The following SEZ6 variants were observed in gnomAD, a reference collection of about 807,000 sequenced individuals.
SEZ6 encodes seizure related 6 homolog.
Under a neutral mutation model 101.0 loss-of-function variants are expected in SEZ6, and 53 were observed. The ratio of observed to expected loss-of-function variants is 0.52; its 90% CI spans 0.42 to 0.66. SEZ6 has a LOEUF of 0.66. SEZ6 is among the 30% of genes least tolerant of loss of function. The pLI is 0.00. For missense variants in SEZ6, 1,102 were observed against 1,289.4 expected, an observed-to-expected ratio of 0.85 and a Z score of 2.23; for synonymous variants, 488 against 512.2, an observed-to-expected ratio of 0.95 and a Z score of 0.64.
At chr17:28,976,130 C>A (rs996183055) in intron 3 of SEZ6, among the ~76,000 whole-genome samples, 2 of 152,242 alleles carry the variant, frequency 1.3e-5, no homozygotes, top group African/African-American at 4.8e-5. Flanking sequence ...GACCTGGCCT[C>A]CTCCCTGTGG....
Position 28,957,775 on chromosome 17 carries a change from A to T in SEZ6, c.2302+172T>A. ...ATGAAATACTTAGAGTACGTGGCTG[A>T]TAACCCCATGAAAAGTATCATCCCC... On this transcript the variant is annotated intron_variant, in intron 11 of 16. Coordinates refer to ENST00000317338, the MANE Select transcript of SEZ6 (RefSeq NM_178860.5). The T allele has an allele frequency of 5.5e-6, 5 of 903,920 alleles. No individual in the cohort carries two copies. The South Asian group carries it at 8.9e-5, about 16-fold the overall frequency. 56.0% of individuals were successfully genotyped at this position (903,920 alleles called of 1,614,324 possible). A position where few individuals can be genotyped will look rare whatever the true frequency, so the allele number is the denominator to read the frequency against.
rs760278368 is a variant in SEZ6 at position 28,957,217 on chromosome 17, A to C, written c.2520T>G (p.Gly840=). 1 of 1,614,010 alleles carries C rather than the reference A, an allele frequency of 6.2e-7. No individual in the cohort carries two copies. The highest frequency in any genetic ancestry group is 8.5e-7 in the Non-Finnish European group (1 of 1,179,884). The change falls in exon 13 of 17, where the codon GGT becomes GGG. Residue 840 remains glycine (G), a synonymous_variant. Coordinates refer to ENST00000317338, the MANE Select transcript of SEZ6 (RefSeq NM_178860.5). ...CLLEQLKPCH[G]LSAPENGARS... ...GGGCACCATTCTCAGGGGCACTGAGACCATGGCATGGCTTGAGCTGTTCCA... is the reference window on the plus strand; with the variant it reads ...GGGCACCATTCTCAGGGGCACTGAGCCCATGGCATGGCTTGAGCTGTTCCA...
chr17:28,960,284 A>T, intron 7 of SEZ6: 2 of 638,062 alleles, frequency 3.1e-6, no homozygotes, highest in Non-Finnish European at 5.4e-6. Context: ...CTTGGACCAT[A>T]GGGCCTGGGT....
chr17:28,960,424 G>C (rs1374333077), intron 7 of SEZ6, 81 bp downstream of exon 7: 1 of 1,512,424 alleles, frequency 6.6e-7, no homozygotes, highest in South Asian at 1.2e-5. Context: ...GGCAGAGAGG[G>C]GTAGGGTGTG....
In SEZ6 at chr17:28,959,235, G is replaced by A. The variant is rs201689508; in HGVS notation, c.1911-14C>T. 5.6e-4 allele frequency: 900 copies of A among 1,612,294 alleles called. No individual in the cohort carries two copies. The highest frequency in any genetic ancestry group is 7.2e-4 in the Non-Finnish European group (854 of 1,178,866). ...CCTATGCGCAGCCTGTGAAGGAGGAGCGTCAGGGCAGAGCCGGCCTGGGGG... is the reference window on the plus strand; with the variant it reads ...CCTATGCGCAGCCTGTGAAGGAGGAACGTCAGGGCAGAGCCGGCCTGGGGG... On this transcript the variant is annotated splice_polypyrimidine_tract_variant and intron_variant, in intron 9 of 16. Coordinates refer to ENST00000317338, the MANE Select transcript of SEZ6 (RefSeq NM_178860.5). The surrounding 1 kb of genome is among the most constrained non-coding windows in gnomAD (Gnocchi z 4.4).
At position 28,981,896 on chromosome 17, in the gene SEZ6, G is replaced by A; in HGVS notation, c.199C>T (p.Leu67Phe). The A allele has an allele frequency of 3.1e-6, 5 of 1,613,922 alleles. No individual in the cohort carries two copies. The highest frequency in any genetic ancestry group is 4.2e-6 in the Non-Finnish European group (5 of 1,179,876). The change falls in exon 2 of 17, where the codon CTC becomes TTC. Residue 67 changes from leucine to phenylalanine, a missense_variant. Physicochemically the swap from Leu to Phe is conservative, Grantham distance 22 (BLOSUM62 0). Coordinates refer to ENST00000317338, the MANE Select transcript of SEZ6 (RefSeq NM_178860.5). ...TCCTCAAGCAGCGGGTGGTGGTTGAGCAGCTTCAAGGTGGGGGCTGTTGTG... is the reference window on the plus strand; with the variant it reads ...TCCTCAAGCAGCGGGTGGTGGTTGAACAGCTTCAAGGTGGGGGCTGTTGTG... ...FVTTAPTLKL[L>F]NHHPLLEEFL...
rs2040943291 is a variant in SEZ6 at position 28,959,576 on chromosome 17, C to G, written c.1772-104G>C. The G allele has an allele frequency of 6.4e-7, 1 of 1,552,152 alleles. No individual in the cohort carries two copies. ...ACAAATTGCTGGGACCCCCCACCTCCTCCTTGGAGGAAGCCTGAACCACGC... is the reference window on the plus strand; with the variant it reads ...ACAAATTGCTGGGACCCCCCACCTCGTCCTTGGAGGAAGCCTGAACCACGC... On this transcript the variant is annotated intron_variant, in intron 8 of 16. Transcript: ENST00000317338. This position sits in a 1 kb window ranked among gnomAD's most constrained non-coding sequence, Gnocchi z 4.4.
Position 28,981,448 on chromosome 17 carries a change from G to T in SEZ6, c.647C>A (p.Thr216Lys), listed in dbSNP as rs1372961971. The T allele has an allele frequency of 2.6e-6, 4 of 1,562,858 alleles. No homozygotes were observed. The Admixed American group carries it at 7.7e-5, about 30-fold the overall frequency. ...IGIQGTITSS[T>K]ASGDDEETTT... Reference sequence around the variant, plus strand: ...GGTCTCCTCATCATCTCCTGAAGCTGTGGAGGAGGTGATGGTCCCCTGGAT... The same window carrying T: ...GGTCTCCTCATCATCTCCTGAAGCTTTGGAGGAGGTGATGGTCCCCTGGAT... The change falls in exon 2 of 17, where the codon ACA becomes AAA. Residue 216 changes from threonine to lysine, a missense_variant. Around this residue, in one of 3 missense-constraint regions of SEZ6, gnomAD observed 406 missense variants for 418.6 expected, o/e 0.97. Coordinates refer to ENST00000317338, the MANE Select transcript of SEZ6 (RefSeq NM_178860.5).
rs141895433 is a variant in SEZ6, at chr17:28,955,523, C to T, written c.*439G>A. ...GAGGAGTTTTGGCCATTGGTGATGGCGCTGTGAGGAGTACCCTGGTGCAGT... is the reference window on the plus strand; with the variant it reads ...GAGGAGTTTTGGCCATTGGTGATGGTGCTGTGAGGAGTACCCTGGTGCAGT... On this transcript the variant is annotated 3_prime_UTR_variant, in exon 17 of 17. Transcript: ENST00000317338. The T allele has an allele frequency of 1.1e-4, 47 of 413,992 alleles. No individual in the cohort carries two copies. The highest frequency in any genetic ancestry group is 5.8e-4 in the South Asian group (33 of 56,800). The allele number at this position is 413,992 out of a possible 1,614,324, so 25.6% of individuals were successfully genotyped here. A position where few individuals can be genotyped will look rare whatever the true frequency, so the allele number is the denominator to read the frequency against.
In SEZ6 at chr17:28,963,505, A is replaced by C. The variant is rs2041018347; in HGVS notation, c.1240+457T>G. Among the ~76,000 whole-genome samples, 3 of 151,998 alleles carry C rather than the reference A, an allele frequency of 2.0e-5. No individual in the cohort carries two copies. In the South Asian group the frequency reaches 6.2e-4, roughly 32 times the overall value. On this transcript the variant is annotated intron_variant, in intron 5 of 16. Coordinates refer to ENST00000317338, the MANE Select transcript of SEZ6 (RefSeq NM_178860.5). ...AACCTGGCTGTCTTCTGTGTCCCTA[A>C]ACACCCTCACCTGCCTGCCTCTATG...
At chr17:28,987,067 A>G (rs1446125439) in intron 1 of SEZ6, among the ~76,000 whole-genome samples, 4 of 152,152 alleles carry the variant, frequency 2.6e-5, no homozygotes, top group Admixed American at 6.5e-5. Context: ...GCGTGTGGGT[A>G]CAAGGGGGAG....
intron 1 of SEZ6, among the ~76,000 whole-genome samples, chr17:29,001,526 T>C (rs566169627): frequency 3.6e-4 from 55 of 152,270 alleles, no homozygotes; most frequent in Admixed American, 9.2e-4. Flanking sequence ...TTACAGGAAG[T>C]GTCAGCTAAG....
At chr17:28,961,239 T>G (rs1163522525) in intron 5 of SEZ6, among the ~76,000 whole-genome samples, 2 of 152,114 alleles carry the variant, frequency 1.3e-5, no homozygotes, top group Non-Finnish European at 2.9e-5. Context: ...TGTGGGTAGA[T>G]GTATCACTGC....
At chr17:28,998,230 C>G (rs2041568876) in intron 1 of SEZ6, among the ~76,000 whole-genome samples, 1 of 152,020 alleles carries the variant, frequency 6.6e-6, no homozygotes, top group African/African-American at 2.4e-5. Flanking sequence ...TGCACATGAG[C>G]ATGGGGGGCG....
Position 28,981,545 on chromosome 17 carries a change from T to A in SEZ6, c.550A>T (p.Thr184Ser). 6.2e-7 allele frequency: 1 copy of A among 1,612,586 alleles called. No homozygotes were observed. Among genetic ancestry groups the A allele is most frequent in the East Asian group, 2.2e-5 (1 of 44,846 alleles). The change falls in exon 2 of 17, where the codon ACC becomes TCC. Residue 184 changes from threonine (T) to serine (S), a missense_variant. Transcript: ENST00000317338. ...CCCATGTCTCCAGGACCCTCTTGGG[T>A]TGGTGTCCAGGCTCTGCTGGGGGGT... ...TTPPSRAWTP[T>S]QEGPGDMGRP...
At chr17:28,958,292 C>T (rs1363372819) in intron 10 of SEZ6, among the ~76,000 whole-genome samples, 151 bp from the exon 11 acceptor site, 2 of 152,196 alleles carry the variant, frequency 1.3e-5, no homozygotes, top group Non-Finnish European at 2.9e-5. Context: ...TGCTCAAGGG[C>T]CCCTCCTTGA....
At position 29,005,680 on chromosome 17, in the gene SEZ6, G is replaced by A; in HGVS notation, c.55+135C>T. ...GCCCCGCCCGGCTTGGCCGGCGCCG[G>A]GGGCAGCGCAGCCGGCGGGGCGCGG... On this transcript the variant is annotated intron_variant, in intron 1 of 16. Coordinates refer to ENST00000317338, the MANE Select transcript of SEZ6 (RefSeq NM_178860.5). The surrounding 1 kb of genome is among the most constrained non-coding windows in gnomAD (Gnocchi z 4.8). 2.4e-6 allele frequency: 2 copies of A among 844,424 alleles called. No individual in the cohort carries two copies. Among genetic ancestry groups the A allele is most frequent in the Non-Finnish European group, 3.1e-6 (2 of 646,940 alleles). The allele number at this position is 844,424 out of a possible 1,614,324, so 52.3% of individuals were successfully genotyped here. A position where few individuals can be genotyped will look rare whatever the true frequency, so the allele number is the denominator to read the frequency against.
intron 4 of SEZ6, among the ~76,000 whole-genome samples, chr17:28,966,440 G>A (rs1035571394): frequency 3.9e-5 from 6 of 152,106 alleles, no homozygotes; most frequent in South Asian, 2.1e-4. Flanking sequence ...TGGAGATTGC[G>A]CTACTGCACT....
Position 28,957,553 on chromosome 17 carries a change from G to T in SEZ6, c.2303-14C>A, listed in dbSNP as rs1489003587. ...GGCAGGAAGTCACTATGGGTAGGGG[G>T]TGATGGGGAGAAGTAGCCCAAGGAG... On this transcript the variant is annotated splice_polypyrimidine_tract_variant and intron_variant, in intron 11 of 16. Transcript: ENST00000317338. 6 of 1,599,158 alleles carry T rather than the reference G, an allele frequency of 3.8e-6. No homozygotes were observed. Among genetic ancestry groups the T allele is most frequent in the Non-Finnish European group, 5.1e-6 (6 of 1,171,952 alleles).
Sources: allele counts gnomAD v4.1 joint callset (sites outside exome capture counted in the v4.1 genomes callset), GRCh38; gene constraint gnomAD v4.1.1; regional missense constraint gnomAD v4.1.1; non-coding constraint Gnocchi (gnomAD v3.1); transcripts MANE v1.5; gene names NCBI Gene and HGNC (gene_info 2026-07-23, HGNC 2026-07-21).